CBLB: variants seen among roughly 807,000 people sequenced by gnomAD.
CBLB encodes Cbl proto-oncogene B.
CBLB carries 31 observed loss-of-function variants against 104.9 expected under a neutral mutation model. That is an observed-to-expected ratio of 0.30 (90% CI 0.22 to 0.40). The LOEUF (loss-of-function observed/expected upper bound fraction) is 0.40. Ranked by LOEUF, CBLB falls within the 10% of genes least tolerant of loss-of-function variation. The probability of loss-of-function intolerance (pLI) is 1.00; values close to 1 mark genes in which losing one functional copy is unlikely to be tolerated. For synonymous variants in CBLB, 440 were observed against 422.6 expected (o/e 1.04, Z -0.51); for missense variants, 1,062 against 1,214.6 (o/e 0.87, Z 1.87).
chr3:105,704,356 C>T (rs533841984), intron 10 of CBLB, among the ~76,000 whole-genome samples, 183 bp from the exon 11 acceptor site: 7 of 151,968 alleles, frequency 4.6e-5, no homozygotes, highest in East Asian at 1.9e-4. Context: ...GGTAGTATTA[C>T]GAAAAGAAAA....
chr3:105,716,223 G>C (rs2071843879), intron 10 of CBLB, among the ~76,000 whole-genome samples: 1 of 152,090 alleles, frequency 6.6e-6, no homozygotes, highest in Non-Finnish European at 1.5e-5. Flanking sequence ...GAAAAAACTG[G>C]ATAAAATCTA....
intron 14 of CBLB, 66 bp from the exon 15 acceptor site, chr3:105,681,884 G>T: frequency 2.1e-6 from 2 of 938,724 alleles, no homozygotes; most frequent in Non-Finnish European, 3.5e-6. Context: ...AACTTGAGAG[G>T]TAGAGGGAAC....
chr3:105,681,510 G>A lies in CBLB; in HGVS notation c.2397C>T (p.Pro799=), dbSNP rs756784118. The change falls in exon 16 of 19, where the codon CCC becomes CCT. Residue 799 remains proline, a synonymous_variant. Transcript: ENST00000394030. ...GAGGGATGAGAAGATCATAATCAGA[G>A]GGCGTCCTGTTGAGTGAAGAACCAT... ...PKHGSSLNRT[P]SDYDLLIPPL... The A allele has an allele frequency of 1.3e-5, 21 of 1,614,096 alleles. No individual in the cohort carries two copies. In the South Asian group the frequency reaches 2.3e-4, roughly 18 times the overall value.
intron 10 of CBLB, among the ~76,000 whole-genome samples, chr3:105,709,762 C>T (rs1002370595): frequency 4.0e-5 from 6 of 151,774 alleles, no homozygotes; most frequent in Admixed American, 2.6e-4. Context: ...TTTTTTTGAG[C>T]ACAAGATACT....
intron 9 of CBLB, 130 bp downstream of exon 9, chr3:105,733,877 CAT>C (rs1225487858): frequency 5.3e-6 from 4 of 747,918 alleles, no homozygotes; most frequent in African/African-American, 3.6e-5. Context: ...GCAACTCAAA[CAT>C]ATAAAATCTT....
chr3:105,671,068 T>C (rs2065014178), intron 17 of CBLB: 1 of 183,278 alleles, frequency 5.5e-6, no homozygotes, highest in Admixed American at 6.2e-5. Flanking sequence ...AAAAATATGA[T>C]ATTTACTAAC....
At position 105,702,016 on chromosome 3, in the gene CBLB, T is replaced by C. The variant is rs2069197097; in HGVS notation, c.1959+78A>G. On this transcript the variant is annotated intron_variant, in intron 12 of 18. Coordinates refer to ENST00000394030, the MANE Select transcript of CBLB (RefSeq NM_170662.5). ...TGCCATGCTAGGCAAAAAAAAACAC[T>C]TCCCAACCTTTTATGCTACTGACCA... 4 of 1,548,644 alleles carry C rather than the reference T, an allele frequency of 2.6e-6. No individual in the cohort carries two copies. In the African/African-American group the frequency reaches 5.4e-5, roughly 21 times the overall value.
At chr3:105,807,578 T>C (rs1041890320) in intron 3 of CBLB, among the ~76,000 whole-genome samples, 20 of 152,260 alleles carry the variant, frequency 1.3e-4, no homozygotes, top group East Asian at 1.2e-3. Flanking sequence ...AATTTCATCA[T>C]AGTTGGATAT....
chr3:105,674,115 C>T (rs1006446743), intron 17 of CBLB: 7 of 152,132 alleles, frequency 4.6e-5, no homozygotes, highest in African/African-American at 7.2e-5. Context: ...GTTGTGAATC[C>T]GGAGAACACA....
chr3:105,803,048 C>A (rs1013705642), intron 3 of CBLB, among the ~76,000 whole-genome samples: 4 of 152,172 alleles, frequency 2.6e-5, no homozygotes, highest in African/African-American at 9.7e-5. Flanking sequence ...GAAGTCTTTA[C>A]ACAGCCAATA....
intron 18 of CBLB, among the ~76,000 whole-genome samples, chr3:105,668,094 T>C (rs2064672041): frequency 6.6e-6 from 1 of 152,176 alleles, no homozygotes; most frequent in Non-Finnish European, 1.5e-5. Flanking sequence ...GTTGACTGTG[T>C]TTGTAAAGAG....
rs558920388 is a variant in CBLB, at chr3:105,704,227, T to C, written c.1408-54A>G. On this transcript the variant is annotated intron_variant, in intron 10 of 18. Coordinates refer to ENST00000394030, the MANE Select transcript of CBLB (RefSeq NM_170662.5). ...TGTTTATTAGCTGTGCAGAGTGTTC[T>C]CTGTTCTTAAAGAATATATTTGGTT... 826 of 1,531,472 alleles carry C rather than the reference T, an allele frequency of 5.4e-4. 5 individuals carry two copies. The African/African-American group carries it at 0.01, about 19-fold the overall frequency. The allele number at this position is 1,531,472 out of a possible 1,614,324, so 94.9% of individuals were successfully genotyped here.
chr3:105,719,017 T>A (rs1463918296), intron 10 of CBLB, among the ~76,000 whole-genome samples: 1 of 152,194 alleles, frequency 6.6e-6, no homozygotes, highest in East Asian at 1.9e-4. Flanking sequence ...GGCAGTAACA[T>A]CCATTCTCAG....
At chr3:105,754,924 T>C (rs1014909365) in intron 4 of CBLB, among the ~76,000 whole-genome samples, 3 of 152,150 alleles carry the variant, frequency 2.0e-5, no homozygotes, top group Admixed American at 1.3e-4. Context: ...AATAAGACTA[T>C]GTTATAATCC....
At chr3:105,803,183 G>A (rs1325406572) in intron 3 of CBLB, among the ~76,000 whole-genome samples, 2 of 152,140 alleles carry the variant, frequency 1.3e-5, no homozygotes, top group Admixed American at 6.5e-5. Context: ...ATTGTAATAC[G>A]TAATTTTTAG....
At chr3:105,767,004 T>C (rs753488398) in intron 4 of CBLB, among the ~76,000 whole-genome samples, 8 of 152,232 alleles carry the variant, frequency 5.3e-5, no homozygotes, top group Non-Finnish European at 1.2e-4. Context: ...GTTTTGTATC[T>C]TGTTACAATG....
At chr3:105,736,410 A>G (rs910275601) in intron 8 of CBLB, among the ~76,000 whole-genome samples, 4 of 152,310 alleles carry the variant, frequency 2.6e-5, no homozygotes, top group African/African-American at 9.6e-5. Context: ...TGTTACCTAC[A>G]TGTACTTTAC....
At chr3:105,743,189 G>A (rs1041080355) in intron 6 of CBLB, among the ~76,000 whole-genome samples, 10 of 152,210 alleles carry the variant, frequency 6.6e-5, no homozygotes, top group Admixed American at 2.6e-4. Context: ...CAGGAGTGGT[G>A]GCTCACACCT....
At chr3:105,761,114 C>A (rs2077578657) in intron 4 of CBLB, among the ~76,000 whole-genome samples, 1 of 152,144 alleles carries the variant, frequency 6.6e-6, no homozygotes, top group Admixed American at 6.6e-5. Context: ...CTCACTGCAA[C>A]CTCGACCTCC....
Sources: gnomAD v4.1 joint callset for allele counts (sites outside exome capture counted in the v4.1 genomes callset) on GRCh38, gnomAD v4.1.1 for gene constraint, MANE v1.5 for transcripts, NCBI Gene and HGNC (gene_info 2026-07-23, HGNC 2026-07-21) for gene names.